Variants in CDH11 observed in about 807,000 individuals in gnomAD.
The protein encoded by CDH11 is cadherin 11.
Under a neutral mutation model 67.8 loss-of-function variants are expected in CDH11, and 11 were observed. That is an observed-to-expected ratio of 0.16 (90% CI 0.10 to 0.27). The LOEUF (loss-of-function observed/expected upper bound fraction) is 0.27, where lower values mean the gene tolerates loss of function less well. CDH11 is among the 10% of genes least tolerant of loss of function. The pLI, the probability that CDH11 is intolerant of heterozygous loss-of-function variation, is 1.00. For missense variants in CDH11, 847 were observed against 1,031.2 expected (o/e 0.82, Z 2.45); for synonymous variants, 419 against 400.0 (o/e 1.05, Z -0.57).
In CDH11 at chr16:64,946,649, CAAT is replaced by C; in HGVS notation, c.*951_*953del. The stretch of plus-strand genomic sequence containing the variant: ...TAAAACATATTTGATTTTAAATAAA[CAAT>C]AAAAGCAGCAGACAGACAACAACAG... On this transcript the variant is annotated 3_prime_UTR_variant, in exon 13 of 13. Coordinates refer to ENST00000268603, the MANE Select transcript of CDH11 (RefSeq NM_001797.4). 1 of 1,001,182 alleles carries C rather than the reference CAAT, an allele frequency of 1.0e-6. No homozygotes were observed. The highest frequency in any genetic ancestry group is 4.8e-5 in the South Asian group (1 of 21,050). 62.0% of individuals were successfully genotyped at this position (1,001,182 alleles called of 1,614,324 possible).
At chr16:64,964,674 G>A (rs994016679) in intron 11 of CDH11, among the ~76,000 whole-genome samples, 4 of 151,830 alleles carry the variant, frequency 2.6e-5, no homozygotes, top group East Asian at 1.9e-4. Context: ...TCAGCCTCCC[G>A]AGTAGCTGGG....
chr16:65,049,945 A>C (rs541155193), intron 2 of CDH11, among the ~76,000 whole-genome samples: 1 of 152,300 alleles, frequency 6.6e-6, no homozygotes, highest in East Asian at 1.9e-4. Flanking sequence ...TGTCAGGGAC[A>C]ATGCAGAGCC....
intron 7 of CDH11, among the ~76,000 whole-genome samples, chr16:64,983,908 T>G (rs2072419055): frequency 6.6e-6 from 1 of 152,216 alleles, no homozygotes; most frequent in Non-Finnish European, 1.5e-5. Context: ...TAATATCACA[T>G]AGTCTGTTGA....
At chr16:65,112,127 G>C (rs2075171373) in intron 1 of CDH11, among the ~76,000 whole-genome samples, 1 of 151,294 alleles carries the variant, frequency 6.6e-6, no homozygotes, top group South Asian at 2.1e-4. Flanking sequence ...CATCTATCCT[G>C]CATAGCATCA....
rs758275194 is a variant in CDH11 at position 64,950,748 on chromosome 16, G to A, written c.1894+19C>T. 1 of 1,609,478 alleles carries A rather than the reference G, an allele frequency of 6.2e-7. No homozygotes were observed. Among genetic ancestry groups the A allele is most frequent in the Non-Finnish European group, 8.5e-7 (1 of 1,176,518 alleles). The stretch of plus-strand genomic sequence containing the variant: ...CGGTTGCCTGGCCCTTCCTGCAGGG[G>A]ACCAGGAAGCGCCCTTACCCAGGAG... On this transcript the variant is annotated intron_variant, in intron 12 of 12. Transcript: ENST00000268603.
intron 1 of CDH11, among the ~76,000 whole-genome samples, chr16:65,070,163 T>G (rs545761299): frequency 2.6e-5 from 4 of 152,282 alleles, no homozygotes; most frequent in Non-Finnish European, 5.9e-5. Flanking sequence ...GTAAGTAAGT[T>G]TAATATCTTA....
At chr16:65,009,153 G>C (rs879272483) in intron 2 of CDH11, among the ~76,000 whole-genome samples, 2 of 151,858 alleles carry the variant, frequency 1.3e-5, no homozygotes, top group Admixed American at 1.3e-4. Context: ...GTCAAATTTA[G>C]GCACACTAAT....
intron 1 of CDH11, among the ~76,000 whole-genome samples, chr16:65,062,614 A>G (rs1368462764): frequency 1.3e-5 from 2 of 152,178 alleles, no homozygotes; most frequent in Non-Finnish European, 2.9e-5. Context: ...AAAAAATGCC[A>G]TTTTGTTATT....
At chr16:65,040,056 C>T (rs1460436851) in intron 2 of CDH11, among the ~76,000 whole-genome samples, 2 of 152,106 alleles carry the variant, frequency 1.3e-5, no homozygotes, top group Admixed American at 6.5e-5. Flanking sequence ...AGTCAGGAAA[C>T]AGGTGCTGGA....
At chr16:65,101,556 T>A (rs150393370) in intron 1 of CDH11, among the ~76,000 whole-genome samples, 1 of 152,128 alleles carries the variant, frequency 6.6e-6, no homozygotes, top group East Asian at 1.9e-4. Context: ...TCTTCCTCCC[T>A]TCTTCTCTTC....
chr16:65,020,254 T>C (rs957858700), intron 2 of CDH11, among the ~76,000 whole-genome samples: 2 of 152,220 alleles, frequency 1.3e-5, no homozygotes, highest in African/African-American at 4.8e-5. Flanking sequence ...TAATGTAGTT[T>C]AGTAAACATA....
intron 1 of CDH11, among the ~76,000 whole-genome samples, chr16:65,104,107 G>C (rs139462661): frequency 6.6e-6 from 1 of 152,144 alleles, no homozygotes; most frequent in Non-Finnish European, 1.5e-5. Flanking sequence ...ATTTGGTGGA[G>C]AAAATTGAGT....
intron 1 of CDH11, among the ~76,000 whole-genome samples, chr16:65,089,493 T>G (rs2074757669): frequency 6.6e-6 from 1 of 152,182 alleles, no homozygotes; most frequent in East Asian, 1.9e-4. Flanking sequence ...AAATAACTAA[T>G]TATGTGTGAC....
At chr16:65,070,532 T>C (rs1274523799) in intron 1 of CDH11, among the ~76,000 whole-genome samples, 1 of 152,096 alleles carries the variant, frequency 6.6e-6, no homozygotes. Context: ...GCCCTGAAGA[T>C]TAAAGAAGGG....
At chr16:65,106,065 T>G (rs1371303035) in intron 1 of CDH11, among the ~76,000 whole-genome samples, 1 of 152,142 alleles carries the variant, frequency 6.6e-6, no homozygotes, top group Non-Finnish European at 1.5e-5. Flanking sequence ...ATTGCCCAAA[T>G]AAAATTTTGA....
At chr16:65,055,302 C>T (rs2074124045) in intron 1 of CDH11, among the ~76,000 whole-genome samples, 1 of 152,178 alleles carries the variant, frequency 6.6e-6, no homozygotes, top group African/African-American at 2.4e-5. Flanking sequence ...AACAATGAAA[C>T]AGCAGAAGTG....
At chr16:65,110,123 A>G (rs2075131370) in intron 1 of CDH11, among the ~76,000 whole-genome samples, 2 of 152,106 alleles carry the variant, frequency 1.3e-5, no homozygotes, top group African/African-American at 2.4e-5. Context: ...TACCTGTCTC[A>G]ACCTCCCAAA....
chr16:65,009,551 G>A (rs1480297767), intron 2 of CDH11, among the ~76,000 whole-genome samples: 2 of 152,010 alleles, frequency 1.3e-5, no homozygotes, highest in East Asian at 1.9e-4. Flanking sequence ...GGACTTAGTA[G>A]GAATCTCCCA....
chr16:65,027,785 T>C (rs932366796), intron 2 of CDH11, among the ~76,000 whole-genome samples: 8 of 152,122 alleles, frequency 5.3e-5, no homozygotes, highest in African/African-American at 1.9e-4. Flanking sequence ...AACCCCAAGG[T>C]CTAAGTTTTC....
Sources: gnomAD v4.1 joint callset for allele counts (sites outside exome capture counted in the v4.1 genomes callset) on GRCh38, gnomAD v4.1.1 for gene constraint, MANE v1.5 for transcripts, NCBI Gene and HGNC (gene_info 2026-07-23, HGNC 2026-07-21) for gene names.